ABR: variants seen among roughly 807,000 people sequenced by gnomAD.
ABR encodes ABR activator of RhoGEF and GTPase.
A neutral mutation model predicts 107.2 loss-of-function variants in ABR; 35 were observed. The ratio of observed to expected loss-of-function variants is 0.33; its 90% CI spans 0.25 to 0.43. The LOEUF (loss-of-function observed/expected upper bound fraction) is 0.43, where lower values mean the gene tolerates loss of function less well. Ranked by LOEUF, ABR falls within the 20% of genes least tolerant of loss-of-function variation. The probability of loss-of-function intolerance (pLI) is 1.00; values close to 1 mark genes in which losing one functional copy is unlikely to be tolerated. For missense variants in ABR, 815 were observed against 1,115.2 expected (o/e 0.73, Z 3.83); for synonymous variants, 498 against 462.0 (o/e 1.08, Z -1.00).
At chr17:1,189,660 C>A (rs2042390651), upstream of ABR, among the ~76,000 whole-genome samples, 1 of 147,864 alleles carries the variant, frequency 6.8e-6, no homozygotes, top group Non-Finnish European at 1.5e-5. Flanking sequence ...CCCCACTCTG[C>A]CTGGGTAACT....
chr17:1,223,858 C>T (rs937913670), intron 1 of ABR, among the ~76,000 whole-genome samples: 1 of 152,106 alleles, frequency 6.6e-6, no homozygotes, highest in South Asian at 2.1e-4. Flanking sequence ...GACAACAGCC[C>T]GGGGGAAACC....
At chr17:1,012,037 C>A (rs112136091) in intron 18 of ABR, 52 bp from the exon 19 acceptor site, 5 of 1,606,288 alleles carry the variant, frequency 3.1e-6, no homozygotes, top group African/African-American at 1.3e-5. Flanking sequence ...ACAGCTCTCC[C>A]GTAGCAACCC....
At chr17:1,197,274 G>A (rs2042588612) in intron 1 of ABR, among the ~76,000 whole-genome samples, 1 of 151,706 alleles carries the variant, frequency 6.6e-6, no homozygotes, top group Admixed American at 6.6e-5. Context: ...GGAGGGTTTG[G>A]CTGGAGGCTC....
At chr17:1,166,297 G>A (rs529226768) in intron 1 of ABR, among the ~76,000 whole-genome samples, 16 of 152,036 alleles carry the variant, frequency 1.1e-4, no homozygotes, top group African/African-American at 3.9e-4. Flanking sequence ...CTTCTCTCCA[G>A]GGCCAAGAGT....
chr17:1,060,905 T>A (rs2033848978), intron 10 of ABR, among the ~76,000 whole-genome samples: 1 of 152,050 alleles, frequency 6.6e-6, no homozygotes, highest in African/African-American at 2.4e-5. Context: ...GGTAGAAGAA[T>A]TGCTTGAACC....
In ABR at chr17:1,003,981, C is replaced by T. The variant is rs2069841533; in HGVS notation, c.*2099G>A. On this transcript the variant is annotated 3_prime_UTR_variant, in exon 23 of 23. Coordinates refer to ENST00000302538, the MANE Select transcript of ABR (RefSeq NM_021962.5). ...TGGGGGTGGGATTTATAAATATGAG[C>T]CTTTGCATTTCTCAGCCTTTGCAGC... The T allele has an allele frequency of 6.6e-6, 1 of 152,262 alleles. No individual in the cohort carries two copies. The highest frequency in any genetic ancestry group is 1.5e-5 in the Non-Finnish European group (1 of 68,066). The allele number at this position is 152,262 out of a possible 1,614,324, so 9.4% of individuals were successfully genotyped here. A position where few individuals can be genotyped will look rare whatever the true frequency, so the allele number is the denominator to read the frequency against.
intron 1 of ABR, among the ~76,000 whole-genome samples, chr17:1,155,189 G>T (rs1201727100): frequency 6.6e-6 from 1 of 152,100 alleles, no homozygotes; most frequent in African/African-American, 2.4e-5. Flanking sequence ...AAACTGTCAG[G>T]CTGGGGGCAT....
intron 1 of ABR, among the ~76,000 whole-genome samples, chr17:1,170,002 GTGTGT>G: frequency 1.7e-5 from 2 of 117,610 alleles, no homozygotes; most frequent in African/African-American, 7.0e-5. Flanking sequence ...TTGTGTGTGT[GTGTGT>G]GGGGGGGGGG....
chr17:1,069,573 G>A (rs183639156), intron 9 of ABR, among the ~76,000 whole-genome samples: 2 of 152,272 alleles, frequency 1.3e-5, no homozygotes, highest in Non-Finnish European at 2.9e-5. Flanking sequence ...TCAGGAGGCT[G>A]AGGCAGGAAA....
intron 1 of ABR, among the ~76,000 whole-genome samples, chr17:1,169,793 T>C (rs1238950238): frequency 6.6e-6 from 1 of 152,110 alleles, no homozygotes; most frequent in African/African-American, 2.4e-5. Context: ...ATTTTCCTTT[T>C]GAAATGTGGA....
intron 1 of ABR, among the ~76,000 whole-genome samples, chr17:1,152,232 G>A (rs1056053835): frequency 5.9e-5 from 9 of 151,816 alleles, no homozygotes; most frequent in South Asian, 2.1e-4. Context: ...GCAGTGAGCC[G>A]AGATCGCGCC....
intron 16 of ABR, among the ~76,000 whole-genome samples, chr17:1,024,963 T>C (rs1437146885): frequency 4.0e-5 from 6 of 149,060 alleles, no homozygotes; most frequent in South Asian, 2.1e-4. Context: ...CTACTAAAAA[T>C]ACAAAAAATT....
rs1005893701 is a variant in ABR, at chr17:1,051,605, A to C, written c.1562-971T>G. ...CCCAGCAGTCCTCCCACCTCCAGGG[A>C]GATGCCGAGGTTGTTCCCAGGGTAC... On this transcript the variant is annotated intron_variant, in intron 14 of 22. Transcript: ENST00000302538. This position sits in a 1 kb window ranked among gnomAD's most constrained non-coding sequence, Gnocchi z 4.3. 2.6e-5 allele frequency among the ~76,000 whole-genome samples: 4 copies of C among 152,168 alleles called. No individual in the cohort carries two copies. The highest frequency in any genetic ancestry group is 5.9e-5 in the Non-Finnish European group (4 of 68,016).
intron 14 of ABR, among the ~76,000 whole-genome samples, chr17:1,054,316 C>T (rs907337302): frequency 2.0e-5 from 3 of 152,212 alleles, no homozygotes; most frequent in African/African-American, 7.2e-5. Flanking sequence ...CTTCATTCCA[C>T]ATTTCTGAGC....
chr17:1,186,041 T>C (rs1302126673), intron 1 of ABR, among the ~76,000 whole-genome samples: 3 of 152,184 alleles, frequency 2.0e-5, no homozygotes, highest in Non-Finnish European at 4.4e-5. Context: ...TTCGCCATGT[T>C]GGCCAGGCTG....
intron 1 of ABR, among the ~76,000 whole-genome samples, chr17:1,135,906 GTGA>G (rs888597310): frequency 1.1e-4 from 17 of 151,950 alleles, no homozygotes; most frequent in South Asian, 4.2e-4. Flanking sequence ...GTCAGGTAAT[GTGA>G]TTCTTCCAGT....
At chr17:1,207,704 G>T (rs1402473283) in intron 1 of ABR, among the ~76,000 whole-genome samples, 3 of 150,720 alleles carry the variant, frequency 2.0e-5, no homozygotes, top group African/African-American at 7.3e-5. Flanking sequence ...TGGAATCACA[G>T]ACCTTATGAC....
chr17:1,046,076 G>C (rs1156543741), intron 16 of ABR, among the ~76,000 whole-genome samples: 2 of 152,096 alleles, frequency 1.3e-5, no homozygotes, highest in Admixed American at 1.3e-4. Context: ...TCACCACGTT[G>C]ACCAGGCTGG....
At chr17:1,017,968 CAG>C (rs1274352241) in intron 16 of ABR, among the ~76,000 whole-genome samples, 1 of 151,902 alleles carries the variant, frequency 6.6e-6, no homozygotes, top group East Asian at 1.9e-4. Context: ...CCCTGGGCTT[CAG>C]TGATCCTCCT....
Sources: gnomAD v4.1 joint callset for allele counts (sites outside exome capture counted in the v4.1 genomes callset) on GRCh38, gnomAD v4.1.1 for gene constraint, Gnocchi (gnomAD v3.1) non-coding constraint, MANE v1.5 for transcripts, NCBI Gene and HGNC (gene_info 2026-07-23, HGNC 2026-07-21) for gene names.